Variants in LINGO2 observed in about 807,000 individuals in gnomAD.
The protein encoded by LINGO2 is leucine-rich repeat and immunoglobulin-like domain-containing nogo receptor-interacting protein 2.
A neutral mutation model predicts 30.6 loss-of-function variants in LINGO2; 14 were observed. The ratio of observed to expected loss-of-function variants is 0.46; its 90% confidence interval spans 0.30 to 0.72. LINGO2 has a LOEUF of 0.72. Among genes scored for constraint, LINGO2 ranks in the 30% least tolerant of loss-of-function variants. The probability of loss-of-function intolerance (pLI) is 0.07; values close to 1 mark genes in which losing one functional copy is unlikely to be tolerated. For missense variants in LINGO2, 729 were observed against 751.7 expected (o/e 0.97, Z 0.35); for synonymous variants, 317 against 288.5 (o/e 1.10, Z -1.00).
At chr9:27,966,902 A>G (rs1820129858) in intron 5 of LINGO2, among the ~76,000 whole-genome samples, 1 of 152,116 alleles carries the variant, frequency 6.6e-6, no homozygotes, top group Admixed American at 6.6e-5. Flanking sequence ...ATTAAATTTT[A>G]CTTGGGAAAT....
At chr9:28,910,979 T>C in the LINGO2 span, among the ~76,000 whole-genome samples, 64 of 152,090 alleles carry the variant, frequency 4.2e-4, no homozygotes, top group African/African-American at 1.5e-3. Flanking sequence ...CAAAAACAGT[T>C]TATGTCTTTA....
At position 28,156,720 on chromosome 9, in the gene LINGO2, G is replaced by A. The variant is rs140957053; in HGVS notation, c.-87+138488C>T. On this transcript the variant is annotated intron_variant, in intron 4 of 5. Transcript: ENST00000379992. ...AAGTTAGTTACTTCATAGATACAAT[G>A]TGGGTAAAGGTATTGGTTAAATACA... Among the ~76,000 whole-genome samples the A allele has an allele frequency of 3.0e-3, 464 of 152,332 alleles. 4 individuals are homozygous for A. Among genetic ancestry groups the A allele is most frequent in the African/African-American group, 0.011 (446 of 41,582 alleles).
chr9:28,334,978 AG>A (rs1175076941), intron 3 of LINGO2, among the ~76,000 whole-genome samples: 2 of 152,180 alleles, frequency 1.3e-5, no homozygotes, highest in African/African-American at 4.8e-5. Context: ...AGTGAGATAG[AG>A]GCCAGGGTTA....
intron 1 of LINGO2, among the ~76,000 whole-genome samples, chr9:28,570,664 G>A (rs1273489978): frequency 6.7e-6 from 1 of 150,344 alleles, no homozygotes; most frequent in Non-Finnish European, 1.5e-5. Context: ...ATCTGTTTTT[G>A]TTGTGGGAAT....
intron 4 of LINGO2, among the ~76,000 whole-genome samples, chr9:28,257,094 G>GT (rs140718171): frequency 0.012 from 1,806 of 147,528 alleles, 11 homozygotes; most frequent in Non-Finnish European, 0.017. Flanking sequence ...GTTACTTTTA[G>GT]TTTTTTTTTT....
intron 4 of LINGO2, among the ~76,000 whole-genome samples, chr9:28,156,120 A>C (rs2133575904): frequency 6.6e-6 from 1 of 152,340 alleles, no homozygotes; most frequent in South Asian, 2.1e-4. Flanking sequence ...GTATCTAAGA[A>C]GTTTGGGGGA....
chr9:29,157,143 A>T, the LINGO2 span, among the ~76,000 whole-genome samples: 1 of 152,144 alleles, frequency 6.6e-6, no homozygotes, highest in Non-Finnish European at 1.5e-5. Context: ...AATGCCACAA[A>T]ATGTCATTGA....
intron 5 of LINGO2, among the ~76,000 whole-genome samples, chr9:27,962,830 T>C (rs149605269): frequency 4.6e-5 from 7 of 152,252 alleles, no homozygotes; most frequent in African/African-American, 1.4e-4. Context: ...AGCTAAAATC[T>C]ATAGGGAGTT....
the LINGO2 span, among the ~76,000 whole-genome samples, chr9:28,992,263 C>G: frequency 5.9e-5 from 9 of 151,966 alleles, no homozygotes; most frequent in African/African-American, 1.9e-4. Flanking sequence ...TCAAAAGAGA[C>G]AAAGAAGGCC....
the LINGO2 span, among the ~76,000 whole-genome samples, chr9:28,804,570 A>AAAAAC: frequency 6.6e-5 from 4 of 60,896 alleles, no homozygotes; most frequent in Non-Finnish European, 1.6e-4. Flanking sequence ...AAAACAAAAA[A>AAAAAC]AAAACAGATC....
chr9:28,359,336 A>T (rs1029524223), intron 3 of LINGO2, among the ~76,000 whole-genome samples: 1 of 152,128 alleles, frequency 6.6e-6, no homozygotes, highest in East Asian at 1.9e-4. Context: ...TAGACTCTCT[A>T]CTTCTATACA....
At chr9:28,608,019 A>G (rs974828653) in intron 1 of LINGO2, among the ~76,000 whole-genome samples, 1 of 152,070 alleles carries the variant, frequency 6.6e-6, no homozygotes, top group African/African-American at 2.4e-5. Context: ...TGGTTTGCAT[A>G]TGTTTCCAAT....
At chr9:28,736,651 G>A in the LINGO2 span, among the ~76,000 whole-genome samples, 1 of 152,044 alleles carries the variant, frequency 6.6e-6, no homozygotes, top group East Asian at 1.9e-4. Context: ...AATTAGCCGG[G>A]TGTGGTGGCA....
intron 4 of LINGO2, among the ~76,000 whole-genome samples, chr9:28,165,702 T>C (rs969854131): frequency 4.6e-5 from 7 of 152,166 alleles, no homozygotes; most frequent in Non-Finnish European, 5.9e-5. Context: ...CTAGAGAAGC[T>C]AAGGGAGGCT....
chr9:28,157,085 T>C (rs1169408350), intron 4 of LINGO2, among the ~76,000 whole-genome samples: 1 of 152,188 alleles, frequency 6.6e-6, no homozygotes, highest in Non-Finnish European at 1.5e-5. Flanking sequence ...GGTGCCCCAA[T>C]AGGGAATCTG....
the LINGO2 span, among the ~76,000 whole-genome samples, chr9:29,044,134 G>A: frequency 6.6e-6 from 1 of 151,886 alleles, no homozygotes; most frequent in African/African-American, 2.4e-5. Flanking sequence ...AGTGGAATAA[G>A]GTTACCTACC....
chr9:28,381,314 G>C (rs1287855747), intron 2 of LINGO2, among the ~76,000 whole-genome samples: 1 of 152,108 alleles, frequency 6.6e-6, no homozygotes, highest in Non-Finnish European at 1.5e-5. Flanking sequence ...GAGTCTGTGG[G>C]TATTTGGGTG....
At chr9:28,542,772 A>AAGAGAACAGGG (rs1821757738) in intron 1 of LINGO2, among the ~76,000 whole-genome samples, 1 of 152,068 alleles carries the variant, frequency 6.6e-6, no homozygotes, top group Admixed American at 6.6e-5. Context: ...TCATGAGAGC[A>AAGAGAACAGGG]GTGATGTGTT....
At chr9:28,716,460 A>G in the LINGO2 span, among the ~76,000 whole-genome samples, 1 of 152,074 alleles carries the variant, frequency 6.6e-6, no homozygotes, top group African/African-American at 2.4e-5. Context: ...TGACACAATG[A>G]CATAATTCAG....
Sources: gnomAD v4.1 joint callset for allele counts (sites outside exome capture counted in the v4.1 genomes callset) on GRCh38, gnomAD v4.1.1 for gene constraint, MANE v1.5 for transcripts, NCBI Gene and HGNC (gene_info 2026-07-23, HGNC 2026-07-21) for gene names.